The following ANP32E variants were observed in gnomAD, a reference collection of about 807,000 sequenced individuals.
The protein encoded by ANP32E is acidic leucine-rich nuclear phosphoprotein 32 family member E.
In ANP32E, 14 loss-of-function variants were observed where a neutral mutation model predicts 35.3. The observed-to-expected ratio is 0.40, with a 90% CI of 0.26 to 0.62. ANP32E has a LOEUF of 0.62. Among genes scored for constraint, ANP32E ranks in the 20% least tolerant of loss-of-function variants. The probability of loss-of-function intolerance (pLI) is 0.45; values close to 1 mark genes in which losing one functional copy is unlikely to be tolerated. For synonymous variants in ANP32E, 89 were observed against 110.4 expected, an observed-to-expected ratio of 0.81 and a Z score of 1.22; for missense variants, 198 against 304.4, an observed-to-expected ratio of 0.65 and a Z score of 2.60.
chr1:150,234,485 G>T, intron 1 of ANP32E: 2 of 667,402 alleles, frequency 3.0e-6, no homozygotes, highest in Non-Finnish European at 3.7e-6. Context: ...AGCCCAGACA[G>T]ACCCTGCTCA....
In ANP32E at chr1:150,235,461, C is replaced by T. The variant is rs1267069552; in HGVS notation, c.54+272G>A. Among the ~76,000 whole-genome samples, 2 of 152,252 alleles carry T rather than the reference C, an allele frequency of 1.3e-5. No individual in the cohort carries two copies. The highest frequency in any genetic ancestry group is 6.5e-5 in the Admixed American group (1 of 15,286). On this transcript the variant is annotated intron_variant, in intron 1 of 6. Transcript: ENST00000583931. The surrounding 1 kb of genome is among the most constrained non-coding windows in gnomAD (Gnocchi z 4.2). ...CCCCCACCAGCCCGCTTCCCGCCCC[C>T]ACGAGGTCAGGACGCCCGACTCGAT...
rs782388606 is a variant in ANP32E at position 150,229,206 on chromosome 1, A to C, written c.359T>G (p.Leu120Arg). 6.3e-7 allele frequency: 1 copy of C among 1,582,796 alleles called. No homozygotes were observed. The highest frequency in any genetic ancestry group is 8.6e-7 in the Non-Finnish European group (1 of 1,169,308). The change falls in exon 4 of 7, where the codon CTG becomes CGG. Residue 120 changes from leucine to arginine, a missense_variant. By Grantham distance (102) the Leu-to-Arg change is moderately radical. This residue lies in a region of ANP32E where 31 missense variants were observed against 62.6 expected (regional missense o/e 0.50). Transcript: ENST00000583931. The stretch of plus-strand genomic sequence containing the variant: ...CAGGTTTGTGATCTCACAGTTAAAC[A>C]GGTCAAGACTTTTCAAATTTTTAAG... ...QNLKNLKSLDLFNCEITNLED... is the reference protein window; with the variant it reads ...QNLKNLKSLDRFNCEITNLED...
At position 150,225,665 on chromosome 1, in the gene ANP32E, T is replaced by TCAAAAAAAAAAAAAAAAAAAAAAAAAA. The variant is rs1339242877; in HGVS notation, c.681+942_681+943insTTTTTTTTTTTTTTTTTTTTTTTTTTG. 2.4e-5 allele frequency among the ~76,000 whole-genome samples: 2 copies of TCAAAAAAAAAAAAAAAAAAAAAAAAAA among 83,536 alleles called. 1 individual carries two copies. 54.8% of individuals were successfully genotyped at this position (83,536 alleles called of 152,430 possible). A position where few individuals can be genotyped will look rare whatever the true frequency, so the allele number is the denominator to read the frequency against. ...CAGCCTGGGCAACAGAGTGAGACTG[T>TCAAAAAAAAAAAAAAAAAAAAAAAAAA]AACAAAAAAAAAAAAAAAAAAAAAA... On this transcript the variant is annotated intron_variant, in intron 5 of 6. Transcript: ENST00000583931.
In ANP32E at chr1:150,230,611, C is replaced by G. The variant is rs782500643; in HGVS notation, c.287G>C (p.Ser96Thr). 6.2e-7 allele frequency: 1 copy of G among 1,613,608 alleles called. No individual in the cohort carries two copies. The highest frequency in any genetic ancestry group is 1.7e-5 in the Admixed American group (1 of 59,986). ...KCPNLTYLNL[S>T]GNKIKDLSTV... ...ACTGAGATCTTTTATTTTGTTTCCACTCAGATTGAGGTAGGTAAGATTTGG... is the reference window on the plus strand; with the variant it reads ...ACTGAGATCTTTTATTTTGTTTCCAGTCAGATTGAGGTAGGTAAGATTTGG... Residue 96 changes from serine (S) to threonine (T), a missense_variant, in exon 3 of 7, where the codon AGT becomes ACT. By Grantham distance (58) the Ser-to-Thr change is moderately conservative. Transcript: ENST00000583931.
chr1:150,220,785 C>T (rs1553837507), intron 6 of ANP32E, 24 bp from the exon 7 acceptor site: 6 of 1,591,046 alleles, frequency 3.8e-6, no homozygotes, highest in Non-Finnish European at 5.2e-6. Flanking sequence ...AAGAAAAATG[C>T]AAAGTGCTTA....
At chr1:150,229,883 A>C (rs1019800350) in intron 3 of ANP32E, among the ~76,000 whole-genome samples, 30 of 152,368 alleles carry the variant, frequency 2.0e-4, no homozygotes, top group Non-Finnish European at 4.0e-4. Flanking sequence ...AAGTGCTGGG[A>C]TTACAGGCGC....
rs1441790657 is a variant in ANP32E at position 150,235,382 on chromosome 1, G to T, written c.54+351C>A. ...GGGCTGAGTGGGACTGGGGGGTCGCGCCCACGCCGCCGGCCCCCAGGAGGA... is the reference window on the plus strand; with the variant it reads ...GGGCTGAGTGGGACTGGGGGGTCGCTCCCACGCCGCCGGCCCCCAGGAGGA... On this transcript the variant is annotated intron_variant, in intron 1 of 6. Transcript: ENST00000583931. The surrounding 1 kb of genome is among the most constrained non-coding windows in gnomAD (Gnocchi z 4.2). Among the ~76,000 whole-genome samples, 1 of 152,148 alleles carries T rather than the reference G, an allele frequency of 6.6e-6. No homozygotes were observed. The highest frequency in any genetic ancestry group is 2.4e-5 in the African/African-American group (1 of 41,436).
At chr1:150,234,496 T>G in intron 1 of ANP32E, 1 of 739,102 alleles carries the variant, frequency 1.4e-6, no homozygotes, top group Non-Finnish European at 1.7e-6. Flanking sequence ...ACCCTGCTCA[T>G]CCTCTATGCC....
At chr1:150,228,582 C>T (rs959274889) in intron 4 of ANP32E, among the ~76,000 whole-genome samples, 16 of 151,756 alleles carry the variant, frequency 1.1e-4, no homozygotes, top group African/African-American at 3.6e-4. Context: ...ATCCCAGCAA[C>T]TTGGGAGGCT....
At position 150,219,862 on chromosome 1, in the gene ANP32E, A is replaced by C. The variant is rs1172038050; in HGVS notation, c.*829T>G. The C allele has an allele frequency of 2.0e-5, 3 of 152,172 alleles. No individual in the cohort carries two copies. The highest frequency in any genetic ancestry group is 7.2e-5 in the African/African-American group (3 of 41,460). 9.4% of individuals were successfully genotyped at this position (152,172 alleles called of 1,614,324 possible). A position where few individuals can be genotyped will look rare whatever the true frequency, so the allele number is the denominator to read the frequency against. On this transcript the variant is annotated 3_prime_UTR_variant, in exon 7 of 7. Transcript: ENST00000583931. ...TTTTCCTGGGTTTCACAAGTTTCCC[A>C]AGTTCCTTTTGAGAGAGCGGGAGGG...
chr1:150,226,441 G>C (rs1318754274), intron 5 of ANP32E, among the ~76,000 whole-genome samples, 167 bp downstream of exon 5: 1 of 152,064 alleles, frequency 6.6e-6, no homozygotes, highest in Non-Finnish European at 1.5e-5. Context: ...ATGATTATCT[G>C]GATATAGTTT....
At chr1:150,232,780 A>T (rs1173022503) in intron 1 of ANP32E, among the ~76,000 whole-genome samples, 5 of 151,978 alleles carry the variant, frequency 3.3e-5, no homozygotes, top group African/African-American at 7.3e-5. Context: ...GCCATTTTTT[A>T]AATTTAAACT....
chr1:150,228,518 C>T (rs1209055506), intron 4 of ANP32E, among the ~76,000 whole-genome samples: 1 of 151,912 alleles, frequency 6.6e-6, no homozygotes, highest in African/African-American at 2.4e-5. Flanking sequence ...GGTGAAACCT[C>T]GTCTCTACTA....
chr1:150,225,581 G>A (rs1002739703), intron 5 of ANP32E, among the ~76,000 whole-genome samples: 2 of 135,486 alleles, frequency 1.5e-5, no homozygotes, highest in African/African-American at 2.7e-5. Context: ...TGAGGTGAGA[G>A]GATTGCTTGA....
chr1:150,223,965 A>C (rs1553839054), intron 5 of ANP32E, among the ~76,000 whole-genome samples: 2 of 151,840 alleles, frequency 1.3e-5, no homozygotes. Context: ...GGCTGGTCTC[A>C]AACTCCCGAC....
At chr1:150,229,297 T>TAA in intron 3 of ANP32E, 60 bp from the exon 4 acceptor site, 2 of 832,444 alleles carry the variant, frequency 2.4e-6, no homozygotes, top group Non-Finnish European at 3.4e-6. Context: ...ATTTCTTTTT[T>TAA]CTTTTTTTTT....
Position 150,220,758 on chromosome 1 carries a change from TC to T in ANP32E, c.739del (p.Glu247LysfsTer26). The T allele has an allele frequency of 6.2e-7, 1 of 1,613,476 alleles. No homozygotes were observed. On this transcript the variant is annotated frameshift_variant and splice_region_variant, in exon 7 of 7. Coordinates refer to ENST00000583931, the MANE Select transcript of ANP32E (RefSeq NM_030920.5). LOFTEE classifies it high-confidence loss of function. ...EEGEEEEEEE[E>X]GGLRGEKRKR... ...CCTCTTCTCCCCTCGAAGACCTCCT[TC>T]TTCTTAAAGAGTGGAAAGAAAAATG... is the stretch of plus-strand genomic sequence containing the variant.
chr1:150,230,931 T>C (rs146590510), intron 2 of ANP32E, among the ~76,000 whole-genome samples: 3,250 of 152,128 alleles, frequency 0.021, 133 homozygotes, highest in African/African-American at 0.072. Context: ...TTGGTACAGA[T>C]GGGGTTTCAC....
chr1:150,228,039 G>T (rs1649018450), intron 4 of ANP32E, among the ~76,000 whole-genome samples: 1 of 151,174 alleles, frequency 6.6e-6, no homozygotes, highest in Admixed American at 6.6e-5. Context: ...CAATGGATTT[G>T]CCTATCCTGA....
Sources: allele counts gnomAD v4.1 joint callset (sites outside exome capture counted in the v4.1 genomes callset), GRCh38; gene constraint gnomAD v4.1.1; regional missense constraint gnomAD v4.1.1; non-coding constraint Gnocchi (gnomAD v3.1); transcripts MANE v1.5; gene names NCBI Gene and HGNC (gene_info 2026-07-23, HGNC 2026-07-21).